The following TRAPPC6B variants were observed in gnomAD, a reference collection of about 807,000 sequenced individuals.
The protein encoded by TRAPPC6B is TRAPP complex subunit 6B.
A neutral mutation model predicts 24.7 loss-of-function variants in TRAPPC6B; 27 were observed. The observed-to-expected ratio is 1.09, with a 90% CI of 0.81 to 1.51. The LOEUF (loss-of-function observed/expected upper bound fraction) is 1.51, where lower values mean the gene tolerates loss of function less well. Ranked by LOEUF, TRAPPC6B falls within the 40% of genes most tolerant of loss-of-function variation. The pLI, the probability that TRAPPC6B is intolerant of heterozygous loss-of-function variation, is 0.00. For missense variants in TRAPPC6B, 212 were observed against 190.8 expected (o/e 1.11, Z -0.66); for synonymous variants, 80 against 66.6 (o/e 1.20, Z -0.98).
chr14:39,161,791 A>T (rs1258162375), intron 1 of TRAPPC6B, among the ~76,000 whole-genome samples: 1 of 152,052 alleles, frequency 6.6e-6, no homozygotes, highest in Non-Finnish European at 1.5e-5. Flanking sequence ...CTGAAACCTA[A>T]AGTTGGTTTT....
At position 39,164,441 on chromosome 14, in the gene TRAPPC6B, A is replaced by G. The variant is rs189379464; in HGVS notation, c.82-4891T>C. Among the ~76,000 whole-genome samples the G allele has an allele frequency of 2.3e-3, 357 of 152,204 alleles. 3 individuals carry two copies. Among genetic ancestry groups the G allele is most frequent in the African/African-American group, 7.9e-3 (330 of 41,510 alleles). On this transcript the variant is annotated intron_variant, in intron 1 of 5. Transcript: ENST00000330149. ...CAGGAGGCGGAGGTTGCAGTGAGCC[A>G]AGGTCACCCCATTGCATTCCAGCCT...
intron 4 of TRAPPC6B, among the ~76,000 whole-genome samples, chr14:39,153,153 A>G (rs2052934705): frequency 6.6e-6 from 1 of 151,814 alleles, no homozygotes; most frequent in Non-Finnish European, 1.5e-5. Context: ...TTAGCCAGGC[A>G]TGGTGGCGCA....
In TRAPPC6B at chr14:39,159,553, AT is replaced by A; in HGVS notation, c.82-4del. ...TTAGTAATACATCGTCCGTTTTCCT[AT>A]TTTAAAAAACAATAGTTTTAAATAC... On this transcript the variant is annotated splice_polypyrimidine_tract_variant and splice_region_variant and intron_variant, in intron 1 of 5. Transcript: ENST00000330149. The A allele has an allele frequency of 6.2e-7, 1 of 1,600,300 alleles. No individual in the cohort carries two copies. The highest frequency in any genetic ancestry group is 8.5e-7 in the Non-Finnish European group (1 of 1,172,300).
At chr14:39,159,027 CTCCGAGTTTAACTAT>C in intron 2 of TRAPPC6B, 1 of 152,392 alleles carries the variant, frequency 6.6e-6, no homozygotes, top group Non-Finnish European at 1.5e-5. Flanking sequence ...ATAAAATATA[CTCCGAGTTTAACTAT>C]TCAGGTAGTG....
Position 39,149,472 on chromosome 14 carries a change from TAAGAAAGATA to T in TRAPPC6B, c.*868_*877del. The T allele has an allele frequency of 6.6e-6, 1 of 152,316 alleles. No individual in the cohort carries two copies. Among genetic ancestry groups the T allele is most frequent in the South Asian group, 2.1e-4 (1 of 4,832 alleles). The allele number at this position is 152,316 out of a possible 1,614,324, so 9.4% of individuals were successfully genotyped here. On this transcript the variant is annotated 3_prime_UTR_variant, in exon 6 of 6. Coordinates refer to ENST00000330149, the MANE Select transcript of TRAPPC6B (RefSeq NM_001079537.2). ...AAGAGAAAGTAAGTAGAAGAGGTGG[TAAGAAAGATA>T]TATCAGATGAGCACTGACCCCAAAC... is the stretch of plus-strand genomic sequence containing the variant.
At chr14:39,167,240 T>G (rs2053118104) in intron 1 of TRAPPC6B, among the ~76,000 whole-genome samples, 1 of 152,340 alleles carries the variant, frequency 6.6e-6, no homozygotes, top group Non-Finnish European at 1.5e-5. Context: ...AATGCCCAAT[T>G]AGTCCATTTT....
intron 1 of TRAPPC6B, among the ~76,000 whole-genome samples, chr14:39,162,533 C>T (rs1332288666): frequency 2.0e-5 from 3 of 152,148 alleles, no homozygotes; most frequent in African/African-American, 7.2e-5. Context: ...AATTACTCCT[C>T]GTCTCCCTTT....
At chr14:39,156,258 G>A (rs1042482294) in intron 3 of TRAPPC6B, among the ~76,000 whole-genome samples, 4 of 152,210 alleles carry the variant, frequency 2.6e-5, no homozygotes, top group African/African-American at 9.6e-5. Flanking sequence ...GCCAAGGCGG[G>A]AGGATCCATT....
chr14:39,152,716 A>G (rs1321637613), intron 4 of TRAPPC6B, among the ~76,000 whole-genome samples: 1 of 152,214 alleles, frequency 6.6e-6, no homozygotes, highest in East Asian at 1.9e-4. Flanking sequence ...AACCATGTAT[A>G]TGTGCGTATT....
At chr14:39,155,278 G>C (rs1284112370) in intron 3 of TRAPPC6B, among the ~76,000 whole-genome samples, 1 of 152,018 alleles carries the variant, frequency 6.6e-6, no homozygotes, top group African/African-American at 2.4e-5. Context: ...TTTCACTCTT[G>C]TTGCCCAGGC....
intron 1 of TRAPPC6B, among the ~76,000 whole-genome samples, chr14:39,165,111 T>G (rs989132221): frequency 2.2e-4 from 34 of 151,520 alleles, no homozygotes; most frequent in Non-Finnish European, 3.8e-4. Flanking sequence ...AGTGGCGTGA[T>G]CTCGGCTCAC....
At chr14:39,155,263 CAG>C (rs1948456743) in intron 3 of TRAPPC6B, among the ~76,000 whole-genome samples, 1 of 152,032 alleles carries the variant, frequency 6.6e-6, no homozygotes, top group African/African-American at 2.4e-5. Context: ...TTTTTTGAGA[CAG>C]AGTTTCACTC....
intron 3 of TRAPPC6B, chr14:39,157,517 A>G: frequency 2.5e-6 from 1 of 394,838 alleles, no homozygotes; most frequent in Non-Finnish European, 5.0e-6. Context: ...AAGAAGGCTC[A>G]GCTGGTGGTG....
At chr14:39,152,740 G>GTTCCA (rs1454990854) in intron 4 of TRAPPC6B, among the ~76,000 whole-genome samples, 2 of 152,160 alleles carry the variant, frequency 1.3e-5, no homozygotes, top group Non-Finnish European at 2.9e-5. Context: ...GGGGAAAGGT[G>GTTCCA]TTCCAGTTCT....
At chr14:39,157,656 C>T in intron 3 of TRAPPC6B, 1 of 340,804 alleles carries the variant, frequency 2.9e-6, no homozygotes, top group Non-Finnish European at 5.7e-6. Flanking sequence ...AGAAGACCCG[C>T]ACCACTGTCG....
At chr14:39,164,635 G>A (rs1039944456) in intron 1 of TRAPPC6B, among the ~76,000 whole-genome samples, 4 of 152,066 alleles carry the variant, frequency 2.6e-5, no homozygotes, top group Non-Finnish European at 4.4e-5. Flanking sequence ...TTAGGAGTTC[G>A]AGGGCAGCCT....
At chr14:39,166,538 G>A (rs919681194) in intron 1 of TRAPPC6B, among the ~76,000 whole-genome samples, 9 of 152,136 alleles carry the variant, frequency 5.9e-5, no homozygotes, top group African/African-American at 2.2e-4. Flanking sequence ...TATAGTGTAA[G>A]CTTAAAGCAA....
At chr14:39,168,229 AAGAG>A (rs1408299953) in intron 1 of TRAPPC6B, among the ~76,000 whole-genome samples, 1 of 143,562 alleles carries the variant, frequency 7.0e-6, no homozygotes, top group African/African-American at 2.5e-5. Context: ...AAAAAAAAAA[AAGAG>A]AGAGAGAGAA....
At chr14:39,150,805 G>A (rs2052902235) in intron 5 of TRAPPC6B, among the ~76,000 whole-genome samples, 1 of 152,152 alleles carries the variant, frequency 6.6e-6, no homozygotes, top group Non-Finnish European at 1.5e-5. Context: ...CCAAAGTGCT[G>A]AGCTTACAGG....
Sources: gnomAD v4.1 joint callset for allele counts (sites outside exome capture counted in the v4.1 genomes callset) on GRCh38, gnomAD v4.1.1 for gene constraint, MANE v1.5 for transcripts, NCBI Gene and HGNC (gene_info 2026-07-23, HGNC 2026-07-21) for gene names.